The following HACL1 variants were observed in gnomAD, a reference collection of about 807,000 sequenced individuals.
HACL1 encodes the protein 2-hydroxyacyl-CoA lyase 1.
In HACL1, 64 loss-of-function variants were observed where a neutral mutation model predicts 74.2. That is an observed-to-expected ratio of 0.86 (90% CI 0.70 to 1.06). HACL1 has a LOEUF of 1.06. HACL1 is among the 50% of genes least tolerant of loss of function. The probability of loss-of-function intolerance (pLI) is 0.00; values close to 1 mark genes in which losing one functional copy is unlikely to be tolerated. For missense variants in HACL1, 728 were observed against 719.7 expected, an observed-to-expected ratio of 1.01 and a Z score of -0.13; for synonymous variants, 230 against 238.8, an observed-to-expected ratio of 0.96 and a Z score of 0.34.
intron 11 of HACL1, among the ~76,000 whole-genome samples, chr3:15,572,465 C>T (rs1349046404): frequency 2.0e-5 from 3 of 152,200 alleles, no homozygotes; most frequent in Non-Finnish European, 4.4e-5. Flanking sequence ...AAACCCTCCT[C>T]GGTCTTTGAC....
Position 15,582,900 on chromosome 3 carries a change from TG to T in HACL1, c.643del (p.Gln215AsnfsTer48). On this transcript the variant is annotated frameshift_variant, in exon 8 of 17. Transcript: ENST00000321169. LOFTEE classifies it high-confidence loss of function. Reference protein sequence around the residue: ...TAASVIRNAKQPLLIIGKGAA... With the variant: ...TAASVIRNAKXPLLIIGKGAA... Reference sequence around the variant, plus strand: ...ACCTTTCCCGATGATAAGAAGGGGTTGTTTGGCATTCCTAATAACAGAAGCC... The same window carrying T: ...ACCTTTCCCGATGATAAGAAGGGGTTTTTGGCATTCCTAATAACAGAAGCC... 6.3e-7 allele frequency: 1 copy of T among 1,598,316 alleles called. No homozygotes were observed.
Position 15,562,521 on chromosome 3 carries a change from T to C in HACL1, c.1704+837A>G, listed in dbSNP as rs114801250. 9.2e-3 allele frequency among the ~76,000 whole-genome samples: 1,398 copies of C among 152,306 alleles called. 18 individuals are homozygous for C. The highest frequency in any genetic ancestry group is 0.032 in the African/African-American group (1,335 of 41,568). On this transcript the variant is annotated intron_variant, in intron 16 of 16. Transcript: ENST00000321169. ...TCTGTTTACCCATTCATCCACCGCTTTGTTCACAAAAGAAAGAGATTCCAT... is the reference window on the plus strand; with the variant it reads ...TCTGTTTACCCATTCATCCACCGCTCTGTTCACAAAAGAAAGAGATTCCAT...
intron 2 of HACL1, chr3:15,600,866 C>G (rs1295649277): frequency 3.3e-6 from 2 of 597,944 alleles, no homozygotes; most frequent in Non-Finnish European, 6.0e-6. Context: ...CAAACCCTGG[C>G]TCTGCTACTA....
Position 15,564,615 on chromosome 3 carries a change from T to C in HACL1, c.1453A>G (p.Ile485Val). ...IILLVVNNNG[I>V]YQGFDTDTWK... ...GTATCTGTATCAAAACCTTGGTAAA[T>C]TCCATTGTTATTCACTACCAACAGT... Residue 485 changes from isoleucine (I) to valine (V), a missense_variant, in exon 15 of 17, where the codon ATT becomes GTT. By Grantham distance (29) the Ile-to-Val change is conservative. Coordinates refer to ENST00000321169, the MANE Select transcript of HACL1 (RefSeq NM_012260.4). 6.3e-7 allele frequency: 1 copy of C among 1,578,216 alleles called. No individual in the cohort carries two copies. Among genetic ancestry groups the C allele is most frequent in the Non-Finnish European group, 8.7e-7 (1 of 1,149,698 alleles).
At chr3:15,566,432 T>C (rs1029186293) in intron 14 of HACL1, among the ~76,000 whole-genome samples, 3 of 152,194 alleles carry the variant, frequency 2.0e-5, no homozygotes, top group African/African-American at 7.2e-5. Flanking sequence ...GGCGGGTGGA[T>C]TGCTTGAGCT....
chr3:15,600,287 G>A (rs1018629152), intron 2 of HACL1, among the ~76,000 whole-genome samples: 1 of 152,242 alleles, frequency 6.6e-6, no homozygotes, highest in Non-Finnish European at 1.5e-5. Flanking sequence ...TGGGCAAGAG[G>A]AGGCAAGAAT....
Position 15,563,396 on chromosome 3 carries a change from T to C in HACL1, c.1666A>G (p.Asn556Asp), listed in dbSNP as rs758128644. The change falls in exon 16 of 17, where the codon AAC becomes GAC. Residue 556 changes from asparagine (N) to aspartate (D), a missense_variant. By Grantham distance (23) the Asn-to-Asp change is conservative. Coordinates refer to ENST00000321169, the MANE Select transcript of HACL1 (RefSeq NM_012260.4). ...GTGGCTTGTGGCTCAATCATGATGT[T>C]GATAAGAGAAGGTTTAGTTGTGTCT... ...LADTTKPSLI[N>D]IMIEPQATRK... The C allele has an allele frequency of 6.2e-7, 1 of 1,613,850 alleles. No individual in the cohort carries two copies. Among genetic ancestry groups the C allele is most frequent in the South Asian group, 1.1e-5 (1 of 91,062 alleles).
intron 9 of HACL1, 81 bp from the exon 10 acceptor site, chr3:15,575,163 A>G: frequency 1.4e-6 from 1 of 725,306 alleles, no homozygotes; most frequent in Non-Finnish European, 2.4e-6. Flanking sequence ...GTATTTGAAA[A>G]GTCTAAATCA....
intron 12 of HACL1, 144 bp downstream of exon 12, chr3:15,571,524 T>A (rs2063527188): frequency 3.0e-6 from 2 of 661,136 alleles, no homozygotes; most frequent in Admixed American, 2.9e-5. Context: ...TGCCACTAAA[T>A]CCCTTTTTCC....
intron 7 of HACL1, among the ~76,000 whole-genome samples, chr3:15,584,998 G>T (rs966805387): frequency 6.6e-6 from 1 of 152,170 alleles, no homozygotes; most frequent in African/African-American, 2.4e-5. Flanking sequence ...GTTACTGGAG[G>T]AATATTTTCA....
chr3:15,583,244 T>C (rs867509342), intron 7 of HACL1, among the ~76,000 whole-genome samples: 36 of 152,230 alleles, frequency 2.4e-4, no homozygotes, highest in African/African-American at 8.2e-4. Context: ...TCCATGCAGC[T>C]GTGAATAAGG....
intron 8 of HACL1, among the ~76,000 whole-genome samples, chr3:15,580,619 T>G (rs1272049212): frequency 6.6e-6 from 1 of 152,176 alleles, no homozygotes; most frequent in Admixed American, 6.5e-5. Flanking sequence ...ACTTACCCAT[T>G]CTATGCTATG....
intron 3 of HACL1, 78 bp downstream of exon 3, chr3:15,596,306 C>T: frequency 1.3e-6 from 1 of 769,854 alleles, no homozygotes; most frequent in Non-Finnish European, 2.4e-6. Flanking sequence ...TCCAAATGAA[C>T]TCATCCTTCA....
chr3:15,563,311 G>A, intron 16 of HACL1, 47 bp downstream of exon 16: 1 of 1,281,764 alleles, frequency 7.8e-7, no homozygotes, highest in East Asian at 2.3e-5. Context: ...GAGGGGGATA[G>A]GGGAAGCAGA....
chr3:15,597,035 T>A (rs1247777887), intron 2 of HACL1, among the ~76,000 whole-genome samples: 1 of 152,206 alleles, frequency 6.6e-6, no homozygotes, highest in Non-Finnish European at 1.5e-5. Flanking sequence ...TTCATTATCA[T>A]TCTATTCAAA....
intron 9 of HACL1, among the ~76,000 whole-genome samples, chr3:15,578,345 A>G (rs994737331): frequency 5.9e-5 from 9 of 152,158 alleles, no homozygotes; most frequent in African/African-American, 2.2e-4. Context: ...TCAAGAAATT[A>G]AAAAGAAAAA....
At chr3:15,595,400 C>T (rs2064038025) in intron 3 of HACL1, among the ~76,000 whole-genome samples, 1 of 151,876 alleles carries the variant, frequency 6.6e-6, no homozygotes. Flanking sequence ...TATTAGTTTG[C>T]ATTTCTTAGC....
At chr3:15,574,538 A>G (rs539150152) in intron 10 of HACL1, among the ~76,000 whole-genome samples, 1 of 152,366 alleles carries the variant, frequency 6.6e-6, no homozygotes, top group African/African-American at 2.4e-5. Flanking sequence ...TACATTCCGG[A>G]TGCTGTTTAA....
chr3:15,591,125 T>C (rs2063885208), intron 4 of HACL1, among the ~76,000 whole-genome samples: 1 of 152,208 alleles, frequency 6.6e-6, no homozygotes, highest in African/African-American at 2.4e-5. Context: ...ACTGGTGCTT[T>C]GAATTTTCTT....
Sources: allele counts gnomAD v4.1 joint callset (sites outside exome capture counted in the v4.1 genomes callset), GRCh38; gene constraint gnomAD v4.1.1; transcripts MANE v1.5; gene names NCBI Gene and HGNC (gene_info 2026-07-23, HGNC 2026-07-21).